Variants in CAMKK2 observed in about 807,000 individuals in gnomAD.
CAMKK2 encodes the protein calcium/calmodulin dependent protein kinase kinase 2.
Under a neutral mutation model 67.2 loss-of-function variants are expected in CAMKK2, and 30 were observed. That is an observed-to-expected ratio of 0.45 (90% CI 0.33 to 0.61). The LOEUF (loss-of-function observed/expected upper bound fraction) is 0.61, where lower values mean the gene tolerates loss of function less well. CAMKK2 is among the 20% of genes least tolerant of loss of function. The probability of loss-of-function intolerance (pLI) is 0.02; values close to 1 mark genes in which losing one functional copy is unlikely to be tolerated. For synonymous variants in CAMKK2, 322 were observed against 326.2 expected (o/e 0.99, Z 0.14); for missense variants, 643 against 802.0 (o/e 0.80, Z 2.39).
At chr12:121,243,988 C>G (rs1888897797) in intron 16 of CAMKK2, 32 of 1,514,598 alleles carry the variant, frequency 2.1e-5, no homozygotes, top group Non-Finnish European at 2.7e-5. Flanking sequence ...AAAGCCTCAT[C>G]TGTCCTGGGA....
intron 2 of CAMKK2, among the ~76,000 whole-genome samples, chr12:121,271,309 T>A (rs1399473780): frequency 1.3e-5 from 2 of 149,492 alleles, no homozygotes; most frequent in African/African-American, 5.0e-5. Context: ...ACTAGATACA[T>A]TTCTCCAAAT....
chr12:121,293,458 C>T (rs1444082518), intron 1 of CAMKK2, among the ~76,000 whole-genome samples: 4 of 150,836 alleles, frequency 2.7e-5, no homozygotes, highest in Admixed American at 1.3e-4. Flanking sequence ...GAGCAAATTA[C>T]TCAGCCTCTC....
intron 5 of CAMKK2, among the ~76,000 whole-genome samples, chr12:121,265,289 G>A (rs903777065): frequency 2.0e-5 from 3 of 152,138 alleles, no homozygotes; most frequent in Non-Finnish European, 4.4e-5. Flanking sequence ...AAGGAGGAAA[G>A]CTGAGTCCAA....
intron 1 of CAMKK2, among the ~76,000 whole-genome samples, chr12:121,276,447 G>A (rs1209238026): frequency 3.3e-5 from 5 of 152,140 alleles, no homozygotes; most frequent in African/African-American, 7.2e-5. Context: ...ACTGCAGCCT[G>A]GGTGACTGAA....
In CAMKK2 at chr12:121,250,011, G is replaced by A; in HGVS notation, c.1185C>T (p.Ile395=). 1.2e-6 allele frequency: 2 copies of A among 1,613,718 alleles called. No individual in the cohort carries two copies. The highest frequency in any genetic ancestry group is 1.7e-6 in the Non-Finnish European group (2 of 1,179,788). Residue 395 remains isoleucine (I), a synonymous_variant, in exon 12 of 17, where the codon ATC becomes ATT. Coordinates refer to ENST00000404169, the MANE Select transcript of CAMKK2 (RefSeq NM_001270485.2). ...FGQCPFMDER[I]MCLHSKIKSQ... is the part of the protein sequence containing the mutation. ...TCTTGATCTTACTGTGTAAACACAT[G>A]ATCCGCTCGTCCATGAATGGGCACT...
chr12:121,274,477 T>G lies in CAMKK2; in HGVS notation c.50A>C (p.Gln17Pro), dbSNP rs747697513. ...GCTGCCCCTGCCCCCCAGCTCATCC[T>G]GGGGGGCGGCCCGGTTGCTGCTGGG... ...SQPSSNRAAP[Q>P]DELGGRGSSS... Residue 17 changes from glutamine (Q) to proline (P), a missense_variant, in exon 2 of 17, where the codon CAG becomes CCG. Physicochemically the swap from Gln to Pro is moderately conservative, Grantham distance 76 (BLOSUM62 -1). This residue lies in a region of CAMKK2 where 483 missense variants were observed against 625.8 expected (regional missense o/e 0.77). Coordinates refer to ENST00000404169, the MANE Select transcript of CAMKK2 (RefSeq NM_001270485.2). 1 of 1,610,918 alleles carries G rather than the reference T, an allele frequency of 6.2e-7. No homozygotes were observed. Among genetic ancestry groups the G allele is most frequent in the Non-Finnish European group, 8.5e-7 (1 of 1,179,120 alleles).
rs753403922 is a variant in CAMKK2 at position 121,253,262 on chromosome 12, C to G, written c.1107+11G>C. 2.5e-6 allele frequency: 4 copies of G among 1,613,510 alleles called. No homozygotes were observed. The East Asian group carries it at 8.9e-5, about 36-fold the overall frequency. On this transcript the variant is annotated intron_variant, in intron 10 of 16. Transcript: ENST00000404169. The surrounding 1 kb of genome is among the most constrained non-coding windows in gnomAD (Gnocchi z 5.0). ...GGCAGAACTCTGTGGCTGAGGCAGG[C>G]CCAAGCTTACCTTCCCAGAGAAGAT...
At chr12:121,241,395 C>T (rs149044994) in intron 16 of CAMKK2, among the ~76,000 whole-genome samples, 6 of 152,308 alleles carry the variant, frequency 3.9e-5, no homozygotes, top group African/African-American at 1.4e-4. Flanking sequence ...TCCAGGGATC[C>T]TCCCGCCTCA....
rs948808090 is a variant in CAMKK2, at chr12:121,296,581, C to A, written c.-60+57G>T. The A allele has an allele frequency of 4.6e-5, 7 of 151,824 alleles. No homozygotes were observed. Among genetic ancestry groups the A allele is most frequent in the African/African-American group, 1.7e-4 (7 of 41,378 alleles). 9.4% of individuals were successfully genotyped at this position (151,824 alleles called of 1,614,324 possible). A position where few individuals can be genotyped will look rare whatever the true frequency, so the allele number is the denominator to read the frequency against. On this transcript the variant is annotated intron_variant, in intron 1 of 16. Transcript: ENST00000404169. The surrounding 1 kb of genome is among the most constrained non-coding windows in gnomAD (Gnocchi z 7.1). ...CGCCTCGAGAGGGAAACGGAGCGGG[C>A]GCCCGGGGCCGCGGCGGCTGCGTCC... is the stretch of plus-strand genomic sequence containing the variant.
chr12:121,242,427 C>T (rs1229833183), intron 16 of CAMKK2, among the ~76,000 whole-genome samples: 3 of 152,126 alleles, frequency 2.0e-5, no homozygotes, highest in African/African-American at 4.8e-5. Flanking sequence ...GAGGCAGCCC[C>T]GGTTTGGCAA....
chr12:121,246,586 C>T (rs914718832), intron 14 of CAMKK2, among the ~76,000 whole-genome samples: 11 of 152,070 alleles, frequency 7.2e-5, no homozygotes, highest in African/African-American at 1.9e-4. Context: ...TCTTCCCCTA[C>T]TGAGGTTCTT....
rs1024963037 is a variant in CAMKK2, at chr12:121,240,964, G to A, written c.1597-95C>T. On this transcript the variant is annotated intron_variant, in intron 16 of 16. Transcript: ENST00000404169. The surrounding 1 kb of genome is among the most constrained non-coding windows in gnomAD (Gnocchi z 4.4). Reference sequence around the variant, plus strand: ...CCACATCTGGGCCCCCTGCCCAAGTGGGCCGTCGCGCACCCCCTGGAACGT... The same window carrying A: ...CCACATCTGGGCCCCCTGCCCAAGTAGGCCGTCGCGCACCCCCTGGAACGT... The A allele has an allele frequency of 1.1e-5, 14 of 1,253,194 alleles. No individual in the cohort carries two copies. The African/African-American group carries it at 1.8e-4, about 16-fold the overall frequency. The allele number at this position is 1,253,194 out of a possible 1,614,324, so 77.6% of individuals were successfully genotyped here.
At chr12:121,276,751 TG>T (rs887765113) in intron 1 of CAMKK2, among the ~76,000 whole-genome samples, 1 of 151,864 alleles carries the variant, frequency 6.6e-6, no homozygotes, top group African/African-American at 2.4e-5. Flanking sequence ...CCAGGTGTAG[TG>T]GCTCATGCCT....
At chr12:121,241,658 C>A (rs927110220) in intron 16 of CAMKK2, among the ~76,000 whole-genome samples, 3 of 152,236 alleles carry the variant, frequency 2.0e-5, no homozygotes, top group Non-Finnish European at 2.9e-5. Flanking sequence ...GTCCTTCCCC[C>A]ACAACAATCC....
intron 7 of CAMKK2, among the ~76,000 whole-genome samples, chr12:121,257,364 A>C (rs1892535184): frequency 1.3e-5 from 2 of 151,180 alleles, no homozygotes; most frequent in South Asian, 4.2e-4. Context: ...CTTCTGCCTC[A>C]GCCTCCCGAG....
Position 121,255,812 on chromosome 12 carries a change from G to A in CAMKK2, c.797-8C>T. On this transcript the variant is annotated splice_region_variant and splice_polypyrimidine_tract_variant and intron_variant, in intron 7 of 16. Coordinates refer to ENST00000404169, the MANE Select transcript of CAMKK2 (RefSeq NM_001270485.2). ...GGTTGACCAGTTCGAACACTGTAGG[G>A]AAGAAAAGGGTGAAACTGTTACATG... is the stretch of plus-strand genomic sequence containing the variant. 1 of 1,613,736 alleles carries A rather than the reference G, an allele frequency of 6.2e-7. No homozygotes were observed. Among genetic ancestry groups the A allele is most frequent in the Non-Finnish European group, 8.5e-7 (1 of 1,179,738 alleles).
In CAMKK2 at chr12:121,239,986, C is replaced by T. The variant is rs1165372279; in HGVS notation, c.*713G>A. 5 of 161,110 alleles carry T rather than the reference C, an allele frequency of 3.1e-5. No homozygotes were observed. The highest frequency in any genetic ancestry group is 6.9e-5 in the Non-Finnish European group (5 of 72,968). 10.0% of individuals were successfully genotyped at this position (161,110 alleles called of 1,614,324 possible). A position where few individuals can be genotyped will look rare whatever the true frequency, so the allele number is the denominator to read the frequency against. ...TTTGAGCAGCTGTCATGAAGAAACA[C>T]GTTCAGTCTTTCAGGAGAAATGTTT... is the stretch of plus-strand genomic sequence containing the variant. On this transcript the variant is annotated 3_prime_UTR_variant, in exon 17 of 17. Coordinates refer to ENST00000404169, the MANE Select transcript of CAMKK2 (RefSeq NM_001270485.2).
rs1188505563 is a variant in CAMKK2, at chr12:121,290,254, T to C, written c.-60+6384A>G. On this transcript the variant is annotated intron_variant, in intron 1 of 16. Transcript: ENST00000404169. ...TGGGCGGGTATTCCTGGCAAAGCTA[T>C]CAGGACAGAATGGGCTGACTCCACT... Among the ~76,000 whole-genome samples, 6 of 152,340 alleles carry C rather than the reference T, an allele frequency of 3.9e-5. No individual in the cohort carries two copies. The South Asian group carries it at 1.0e-3, about 26-fold the overall frequency.
At position 121,240,500 on chromosome 12, in the gene CAMKK2, C is replaced by A. The variant is rs868071123; in HGVS notation, c.*199G>T. On this transcript the variant is annotated 3_prime_UTR_variant, in exon 17 of 17. Coordinates refer to ENST00000404169, the MANE Select transcript of CAMKK2 (RefSeq NM_001270485.2). The surrounding 1 kb of genome is among the most constrained non-coding windows in gnomAD (Gnocchi z 4.4). ...CGCCTGTCCAGCCAGCCAGCGGCCA[C>A]GGTCGACGTCATGGAGTCAAGTCCT... is the stretch of plus-strand genomic sequence containing the variant. The A allele has an allele frequency of 1.3e-6, 2 of 1,535,010 alleles. No individual in the cohort carries two copies. Among genetic ancestry groups the A allele is most frequent in the Middle Eastern group, 3.4e-4 (2 of 5,964 alleles).
Sources: gnomAD v4.1 joint callset for allele counts (sites outside exome capture counted in the v4.1 genomes callset) on GRCh38, gnomAD v4.1.1 for gene constraint, gnomAD v4.1.1 regional missense constraint, Gnocchi (gnomAD v3.1) non-coding constraint, MANE v1.5 for transcripts, NCBI Gene and HGNC (gene_info 2026-07-23, HGNC 2026-07-21) for gene names.